Variants in HAUS6 observed in about 807,000 individuals in gnomAD.
HAUS6 encodes the protein HAUS augmin-like complex subunit 6.
HAUS6 carries 80 observed loss-of-function variants against 106.8 expected under a neutral mutation model. The ratio of observed to expected loss-of-function variants is 0.75; its 90% CI spans 0.63 to 0.90. The LOEUF (loss-of-function observed/expected upper bound fraction) is 0.90. HAUS6 is among the 40% of genes least tolerant of loss of function. The pLI, the probability that HAUS6 is intolerant of heterozygous loss-of-function variation, is 0.00. For synonymous variants in HAUS6, 356 were observed against 379.1 expected (o/e 0.94, Z 0.71); for missense variants, 1,155 against 1,118.1 (o/e 1.03, Z -0.47).
At chr9:19,089,977 C>A (rs1463396477) in intron 4 of HAUS6, among the ~76,000 whole-genome samples, 1 of 151,914 alleles carries the variant, frequency 6.6e-6, no homozygotes, top group Non-Finnish European at 1.5e-5. Flanking sequence ...AGACTACAAG[C>A]ACGCACCACC....
At chr9:19,061,700 T>C (rs1184828933) in intron 14 of HAUS6, among the ~76,000 whole-genome samples, 2 of 152,102 alleles carry the variant, frequency 1.3e-5, no homozygotes, top group Non-Finnish European at 2.9e-5. Context: ...CCAGGCAAAG[T>C]GGTGCACGCC....
At chr9:19,096,938 C>T (rs1272059734) in intron 1 of HAUS6, among the ~76,000 whole-genome samples, 169 bp from the exon 2 acceptor site, 3 of 152,172 alleles carry the variant, frequency 2.0e-5, no homozygotes, top group East Asian at 1.9e-4. Context: ...GTAAGAAAAA[C>T]ATACAAGCTT....
At position 19,080,583 on chromosome 9, in the gene HAUS6, A is replaced by T; in HGVS notation, c.960T>A (p.Tyr320Ter). 7 of 1,597,304 alleles carry T rather than the reference A, an allele frequency of 4.4e-6. No individual in the cohort carries two copies. Among genetic ancestry groups the T allele is most frequent in the Non-Finnish European group, 6.0e-6 (7 of 1,165,396 alleles). ...TTGCTTGATCAGCCTGACAACGTTCATATTTCATCACCTTCAAGACTTCAT... is the reference window on the plus strand; with the variant it reads ...TTGCTTGATCAGCCTGACAACGTTCTTATTTCATCACCTTCAAGACTTCAT... ...LLNEVLKVMK[Y>*]ERCQADQARL... The change falls in exon 9 of 17, where the codon TAT becomes TAA. Residue 320 changes from tyrosine to a stop codon, truncating the protein, a stop_gained. Transcript: ENST00000380502. LOFTEE classifies it high-confidence loss of function.
chr9:19,065,616 G>A (rs11788589), intron 12 of HAUS6, among the ~76,000 whole-genome samples: 54 of 152,136 alleles, frequency 3.5e-4, no homozygotes, highest in Non-Finnish European at 5.6e-4. Context: ...TGAGGCAAGC[G>A]GATCACCTGA....
intron 16 of HAUS6, chr9:19,057,727 G>A: frequency 2.3e-6 from 1 of 429,078 alleles, no homozygotes; most frequent in East Asian, 3.3e-5. Context: ...GTAAGCTTCA[G>A]ATTGGGGGGG....
intron 3 of HAUS6, among the ~76,000 whole-genome samples, chr9:19,093,808 G>C (rs1817805364): frequency 6.6e-6 from 1 of 152,150 alleles, no homozygotes; most frequent in African/African-American, 2.4e-5. Context: ...GACAGAGGTT[G>C]CAGTGAGCCA....
At chr9:19,092,370 C>T (rs1164062402) in intron 4 of HAUS6, among the ~76,000 whole-genome samples, 1 of 151,514 alleles carries the variant, frequency 6.6e-6, no homozygotes, top group Non-Finnish European at 1.5e-5. Context: ...AATCCTAACA[C>T]TTTGGGAGGC....
intron 5 of HAUS6, among the ~76,000 whole-genome samples, chr9:19,088,657 C>T (rs968435729): frequency 6.7e-6 from 1 of 150,074 alleles, no homozygotes; most frequent in Non-Finnish European, 1.5e-5. Flanking sequence ...CACTTGAGGT[C>T]AGGAGTTCGA....
chr9:19,098,436 C>CAA lies in HAUS6; in HGVS notation c.129-1669_129-1668dup, dbSNP rs11351792. On this transcript the variant is annotated intron_variant, in intron 1 of 16. Coordinates refer to ENST00000380502, the MANE Select transcript of HAUS6 (RefSeq NM_017645.5). ...CTGGCAAAAGAGCAAGACTTCGTCT[C>CAA]AAAAAAAAAAAAAAAAAAATTATAT... 4.6e-3 allele frequency among the ~76,000 whole-genome samples: 567 copies of CAA among 123,250 alleles called. 6 individuals are homozygous for CAA. The highest frequency in any genetic ancestry group is 0.034 in the East Asian group (136 of 3,976). The allele number at this position is 123,250 out of a possible 152,430, so 80.9% of individuals were successfully genotyped here.
chr9:19,082,743 T>C (rs7855439), intron 8 of HAUS6, 130 bp downstream of exon 8: 43,308 of 546,876 alleles, frequency 0.079, 2,914 homozygotes, highest in African/African-American at 0.27. Flanking sequence ...AAGAGCAAAA[T>C]TCTGTCTCAA....
chr9:19,073,564 G>C (rs1836923666), intron 11 of HAUS6, among the ~76,000 whole-genome samples: 1 of 150,608 alleles, frequency 6.6e-6, no homozygotes, highest in East Asian at 1.9e-4. Flanking sequence ...ACTAATCCTG[G>C]CAAGAGTGCA....
chr9:19,065,256 G>A (rs1398666633), intron 12 of HAUS6, among the ~76,000 whole-genome samples: 1 of 152,170 alleles, frequency 6.6e-6, no homozygotes, highest in African/African-American at 2.4e-5. Context: ...CCCTGGCTCA[G>A]TCTTTATACT....
intron 12 of HAUS6, among the ~76,000 whole-genome samples, chr9:19,066,625 A>C (rs1481145492): frequency 6.6e-6 from 1 of 152,094 alleles, no homozygotes. Context: ...GCTAATGCTC[A>C]CAGTGTACAG....
At chr9:19,082,642 A>C (rs1837181994) in intron 8 of HAUS6, among the ~76,000 whole-genome samples, 2 of 152,134 alleles carry the variant, frequency 1.3e-5, no homozygotes, top group South Asian at 4.1e-4. Context: ...GCTACTCGGG[A>C]GGCTGAGGCA....
intron 4 of HAUS6, chr9:19,089,786 A>C: frequency 1.9e-6 from 1 of 522,158 alleles, no homozygotes; most frequent in Non-Finnish European, 3.4e-6. Flanking sequence ...CAACTCCCCA[A>C]AAGCTAGTAT....
Position 19,089,411 on chromosome 9 carries a change from C to A in HAUS6, c.584+1G>T, listed in dbSNP as rs762037791. 6.3e-7 allele frequency: 1 copy of A among 1,587,140 alleles called. No homozygotes were observed. Among genetic ancestry groups the A allele is most frequent in the East Asian group, 2.2e-5 (1 of 44,778 alleles). On this transcript the variant is annotated splice_donor_variant, in intron 5 of 16. Transcript: ENST00000380502. LOFTEE classifies it high-confidence loss of function. ...TTTCTAACTATCAAGGTACTACTTA[C>A]TGTGCATTTTCCTGATATTTTTGGG...
chr9:19,068,366 A>C (rs1339023537), intron 12 of HAUS6, among the ~76,000 whole-genome samples: 1 of 151,808 alleles, frequency 6.6e-6, no homozygotes. Flanking sequence ...CTGCCTGTGA[A>C]CTAGATTACA....
intron 3 of HAUS6, among the ~76,000 whole-genome samples, chr9:19,093,820 G>A (rs1205412992): frequency 6.6e-6 from 1 of 152,166 alleles, no homozygotes; most frequent in African/African-American, 2.4e-5. Flanking sequence ...AGTGAGCCAA[G>A]ATTGCGCCAT....
At chr9:19,086,664 C>A in intron 7 of HAUS6, 70 bp downstream of exon 7, 1 of 687,708 alleles carries the variant, frequency 1.5e-6, no homozygotes, top group Non-Finnish European at 2.6e-6. Context: ...AAGAGTCCCA[C>A]TAATTAAGCA....
Sources: gnomAD v4.1 joint callset for allele counts (sites outside exome capture counted in the v4.1 genomes callset) on GRCh38, gnomAD v4.1.1 for gene constraint, MANE v1.5 for transcripts, NCBI Gene and HGNC (gene_info 2026-07-23, HGNC 2026-07-21) for gene names.